SNAP91: variants seen among roughly 807,000 people sequenced by gnomAD.
SNAP91 encodes the protein clathrin coat assembly protein AP180.
Under a neutral mutation model 100.3 loss-of-function variants are expected in SNAP91, and 27 were observed. The ratio of observed to expected loss-of-function variants is 0.27; its 90% CI spans 0.20 to 0.37. SNAP91 has a LOEUF of 0.37. SNAP91 is among the 10% of genes least tolerant of loss of function. The pLI, the probability that SNAP91 is intolerant of heterozygous loss-of-function variation, is 1.00. For missense variants in SNAP91, 986 were observed against 1,123.7 expected (o/e 0.88, Z 1.75); for synonymous variants, 404 against 398.6 (o/e 1.01, Z -0.16).
chr6:83,626,531 C>A (rs1182290993), intron 8 of SNAP91, among the ~76,000 whole-genome samples: 1 of 152,076 alleles, frequency 6.6e-6, no homozygotes, highest in Non-Finnish European at 1.5e-5. Context: ...TCTCTGACTT[C>A]TTCCATTGGT....
chr6:83,643,704 A>G (rs1345155766), intron 7 of SNAP91, among the ~76,000 whole-genome samples: 1 of 152,220 alleles, frequency 6.6e-6, no homozygotes, highest in Non-Finnish European at 1.5e-5. Flanking sequence ...ATAATTACAC[A>G]AAGAACTAAT....
rs765158660 is a variant in SNAP91 at position 83,580,642 on chromosome 6, A to T, written c.2150-43T>A. ...TAGGTTCAGAATAATTGAAAACAAA[A>T]AAAGATCATATGCGAAATTAAAGTA... On this transcript the variant is annotated intron_variant, in intron 23 of 29. Coordinates refer to ENST00000369694, the MANE Select transcript of SNAP91 (RefSeq NM_001242792.2). The T allele has an allele frequency of 5.3e-6, 8 of 1,522,652 alleles. No individual in the cohort carries two copies. In the Admixed American group the frequency reaches 1.7e-4, roughly 32 times the overall value. The allele number at this position is 1,522,652 out of a possible 1,614,324, so 94.3% of individuals were successfully genotyped here.
intron 17 of SNAP91, 109 bp downstream of exon 17, chr6:83,594,265 T>G: frequency 1.2e-6 from 1 of 805,032 alleles, no homozygotes; most frequent in Non-Finnish European, 2.1e-6. Context: ...TGAATGATAC[T>G]TTACACTCAG....
At chr6:83,592,602 T>C in intron 20 of SNAP91, 64 bp from the exon 21 acceptor site, 2 of 1,292,376 alleles carry the variant, frequency 1.5e-6, no homozygotes, top group Non-Finnish European at 2.2e-6. Flanking sequence ...CCATGAGCCT[T>C]GACAAATGGC....
chr6:83,647,424 ATGTTTTT>A (rs2097980329), intron 7 of SNAP91, among the ~76,000 whole-genome samples: 2 of 152,118 alleles, frequency 1.3e-5, no homozygotes, highest in Admixed American at 1.3e-4. Context: ...ATTTCATCAA[ATGTTTTT>A]CTTTTATCTA....
At chr6:83,688,587 G>A (rs949388728) in intron 2 of SNAP91, among the ~76,000 whole-genome samples, 2 of 148,844 alleles carry the variant, frequency 1.3e-5, no homozygotes, top group South Asian at 2.1e-4. Flanking sequence ...CACTGCAGCC[G>A]CCACATCCCA....
At chr6:83,677,823 C>A (rs191235630) in intron 2 of SNAP91, among the ~76,000 whole-genome samples, 1 of 152,084 alleles carries the variant, frequency 6.6e-6, no homozygotes, top group South Asian at 2.1e-4. Context: ...CAGAAATTTA[C>A]AGGAATAGAA....
At chr6:83,584,823 G>A (rs1315564224) in intron 22 of SNAP91, among the ~76,000 whole-genome samples, 1 of 152,160 alleles carries the variant, frequency 6.6e-6, no homozygotes. Context: ...ATTCCAAACA[G>A]GAATTCTCCA....
chr6:83,617,098 G>GT, intron 9 of SNAP91, 59 bp from the exon 10 acceptor site: 1 of 1,127,870 alleles, frequency 8.9e-7, no homozygotes, highest in Non-Finnish European at 1.3e-6. Context: ...TAAACACACT[G>GT]TAATGTCACT....
At chr6:83,669,090 G>A (rs2098737645) in intron 2 of SNAP91, among the ~76,000 whole-genome samples, 1 of 151,932 alleles carries the variant, frequency 6.6e-6, no homozygotes, top group Non-Finnish European at 1.5e-5. Context: ...ATACTGTACT[G>A]AACGTGAAAA....
intron 8 of SNAP91, among the ~76,000 whole-genome samples, chr6:83,638,774 T>C (rs2097560064): frequency 6.6e-6 from 1 of 152,230 alleles, no homozygotes; most frequent in Admixed American, 6.5e-5. Flanking sequence ...TGAACCACAA[T>C]ATCATTAGAG....
At chr6:83,697,194 G>A (rs1224219472) in intron 2 of SNAP91, among the ~76,000 whole-genome samples, 1 of 152,008 alleles carries the variant, frequency 6.6e-6, no homozygotes, top group African/African-American at 2.4e-5. Context: ...TTGAAAGTGT[G>A]TAGTCACTTT....
At chr6:83,708,317 T>C (rs1430841157) in intron 1 of SNAP91, 2 of 185,410 alleles carry the variant, frequency 1.1e-5, no homozygotes, top group Non-Finnish European at 2.2e-5. Context: ...CAACGTGCGT[T>C]GGGGTTATTC....
chr6:83,607,329 T>TGTTGTGTGTGTGTGTGTGTGTG (rs148264353), intron 13 of SNAP91, among the ~76,000 whole-genome samples: 1 of 144,792 alleles, frequency 6.9e-6, no homozygotes, highest in African/African-American at 2.6e-5. Flanking sequence ...CCAAGTTGGG[T>TGTTGTGTGTGTGTGTGTGTGTG]TGTGTGTGTG....
In SNAP91 at chr6:83,626,006, T is replaced by C. The variant is rs374755919; in HGVS notation, c.766-2664A>G. On this transcript the variant is annotated intron_variant, in intron 8 of 29. Transcript: ENST00000369694. ...CTAGCATTTTTATAGTTTGAGGTCT[T>C]TTATCCATCTTTAGTAAATTTTTAT... Among the ~76,000 whole-genome samples, 15 of 152,172 alleles carry C rather than the reference T, an allele frequency of 9.9e-5. No homozygotes were observed. The East Asian group carries it at 2.5e-3, about 25-fold the overall frequency.
rs370283903 is a variant in SNAP91 at position 83,695,559 on chromosome 6, T to C, written c.130+12239A>G. ...CATTTTTCCAATTATTTACCTGATA[T>C]AAAGCTGTAGAATTCAACTTGCTGG... is the stretch of plus-strand genomic sequence containing the variant. On this transcript the variant is annotated intron_variant, in intron 2 of 29. Coordinates refer to ENST00000369694, the MANE Select transcript of SNAP91 (RefSeq NM_001242792.2). Among the ~76,000 whole-genome samples, 29 of 152,296 alleles carry C rather than the reference T, an allele frequency of 1.9e-4. 1 individual carries two copies. The East Asian group carries it at 5.4e-3, about 28-fold the overall frequency.
intron 8 of SNAP91, among the ~76,000 whole-genome samples, chr6:83,631,042 C>T (rs2097186471): frequency 6.6e-6 from 1 of 152,012 alleles, no homozygotes; most frequent in Admixed American, 6.6e-5. Context: ...GGTTGTGTCA[C>T]TACTGTCATT....
chr6:83,560,264 T>C (rs1785045221), intron 27 of SNAP91, 56 bp from the exon 28 acceptor site: 12 of 1,198,130 alleles, frequency 1.0e-5, no homozygotes, highest in African/African-American at 1.5e-5. Context: ...ACTAGGGCAC[T>C]ATCCTGACAT....
At chr6:83,692,539 A>G (rs1271849994) in intron 2 of SNAP91, among the ~76,000 whole-genome samples, 1 of 152,056 alleles carries the variant, frequency 6.6e-6, no homozygotes, top group African/African-American at 2.4e-5. Context: ...ACCTATTTAA[A>G]TGTTACCATA....
Sources: gnomAD v4.1 joint callset for allele counts (sites outside exome capture counted in the v4.1 genomes callset) on GRCh38, gnomAD v4.1.1 for gene constraint, MANE v1.5 for transcripts, NCBI Gene and HGNC (gene_info 2026-07-23, HGNC 2026-07-21) for gene names.